MGAT4C: variants seen among roughly 807,000 people sequenced by gnomAD.
The protein encoded by MGAT4C is alpha-1,3-mannosyl-glycoprotein 4-beta-N-acetylglucosaminyltransferase C.
In MGAT4C, 19 loss-of-function variants were observed where a neutral mutation model predicts 40.1. The observed-to-expected ratio is 0.47, with a 90% CI of 0.33 to 0.70. The LOEUF (loss-of-function observed/expected upper bound fraction) is 0.70, where lower values mean the gene tolerates loss of function less well. Among genes scored for constraint, MGAT4C ranks in the 30% least tolerant of loss-of-function variants. The probability of loss-of-function intolerance (pLI) is 0.02; values close to 1 mark genes in which losing one functional copy is unlikely to be tolerated. For synonymous variants in MGAT4C, 181 were observed against 187.1 expected (o/e 0.97, Z 0.27); for missense variants, 491 against 563.2 (o/e 0.87, Z 1.30).
intron 4 of MGAT4C, among the ~76,000 whole-genome samples, chr12:86,331,426 C>T (rs2136173436): frequency 6.6e-6 from 1 of 152,216 alleles, no homozygotes; most frequent in South Asian, 2.1e-4. Flanking sequence ...TGACTTGAGG[C>T]ATTTTTCCCT....
intron 2 of MGAT4C, among the ~76,000 whole-genome samples, chr12:86,577,464 T>C (rs756216052): frequency 2.6e-5 from 4 of 151,882 alleles, no homozygotes; most frequent in Non-Finnish European, 4.4e-5. Flanking sequence ...GCTTTTATTA[T>C]GTTAAGGTAC....
At chr12:86,189,739 A>G (rs879494689) in intron 1 of MGAT4C, among the ~76,000 whole-genome samples, 1 of 152,072 alleles carries the variant, frequency 6.6e-6, no homozygotes, top group Non-Finnish European at 1.5e-5. Context: ...AAAGCAAAAC[A>G]AAAACTAAAA....
At chr12:86,639,241 G>C (rs897770281) in intron 2 of MGAT4C, among the ~76,000 whole-genome samples, 1 of 151,660 alleles carries the variant, frequency 6.6e-6, no homozygotes, top group African/African-American at 2.4e-5. Context: ...TCAAAACAAA[G>C]TAGACTTATT....
At chr12:86,646,078 G>C (rs1042833787) in intron 2 of MGAT4C, among the ~76,000 whole-genome samples, 5 of 151,780 alleles carry the variant, frequency 3.3e-5, no homozygotes. Flanking sequence ...ATTGAGTGCA[G>C]CATATTTCTA....
chr12:86,314,022 T>A (rs1029548587), intron 4 of MGAT4C, among the ~76,000 whole-genome samples: 2 of 152,232 alleles, frequency 1.3e-5, no homozygotes, highest in Admixed American at 1.3e-4. Context: ...CTAATTTACA[T>A]TTGTGCTGTT....
intron 1 of MGAT4C, among the ~76,000 whole-genome samples, chr12:86,152,937 GCTTTAA>G (rs1438112950): frequency 6.6e-6 from 1 of 151,870 alleles, no homozygotes; most frequent in Non-Finnish European, 1.5e-5. Flanking sequence ...GTCTATCTGT[GCTTTAA>G]TAATGCTTCC....
chr12:86,820,362 A>G (rs1952684293), intron 1 of MGAT4C, among the ~76,000 whole-genome samples: 1 of 150,820 alleles, frequency 6.6e-6, no homozygotes, highest in African/African-American at 2.4e-5. Context: ...CTTCATTTCT[A>G]CACAAATAAC....
chr12:86,595,740 T>A (rs746647090), intron 2 of MGAT4C, among the ~76,000 whole-genome samples: 1 of 152,174 alleles, frequency 6.6e-6, no homozygotes, highest in African/African-American at 2.4e-5. Flanking sequence ...TTTGATCAAA[T>A]TTTTTGAGCC....
intron 2 of MGAT4C, among the ~76,000 whole-genome samples, chr12:86,687,823 G>C (rs1318159115): frequency 1.3e-5 from 2 of 152,166 alleles, no homozygotes; most frequent in Non-Finnish European, 2.9e-5. Flanking sequence ...ATTTGGGGTG[G>C]AGTGTTCTGT....
intron 1 of MGAT4C, among the ~76,000 whole-genome samples, chr12:86,735,907 T>C (rs538797044): frequency 1.3e-5 from 2 of 152,006 alleles, no homozygotes; most frequent in South Asian, 2.1e-4. Context: ...ATGATAACCT[T>C]TCTTCTGCAT....
intron 1 of MGAT4C, among the ~76,000 whole-genome samples, chr12:86,827,457 A>T (rs1281518392): frequency 6.6e-6 from 1 of 151,510 alleles, no homozygotes; most frequent in African/African-American, 2.4e-5. Flanking sequence ...GATATTGAAC[A>T]ATAACTACCA....
At chr12:86,159,677 C>A (rs118187793) in intron 1 of MGAT4C, among the ~76,000 whole-genome samples, 1 of 152,048 alleles carries the variant, frequency 6.6e-6, no homozygotes, top group East Asian at 1.9e-4. Flanking sequence ...TTATGGTTAG[C>A]AGGTTCTTTA....
rs1472152411 is a variant in MGAT4C, at chr12:85,965,500, G to GGCAGGAGAATGGCGTGACC, written c.*13770_*13788dup. 1 of 151,090 alleles carries GGCAGGAGAATGGCGTGACC rather than the reference G, an allele frequency of 6.6e-6. No individual in the cohort carries two copies. The allele number at this position is 151,090 out of a possible 1,614,324, so 9.4% of individuals were successfully genotyped here. ...TACTCCCAGCTACTCGGGAGGCTGAGGCAGGAGAATGGCGTGACCCCAGGA... is the reference window on the plus strand; with the variant it reads ...TACTCCCAGCTACTCGGGAGGCTGAGGCAGGAGAATGGCGTGACCGCAGGAGAATGGCGTGACCCCAGGA... On this transcript the variant is annotated 3_prime_UTR_variant, in exon 5 of 5. Coordinates refer to ENST00000611864, the MANE Select transcript of MGAT4C (RefSeq NM_001351288.2).
chr12:86,155,153 G>A (rs1267633452), intron 1 of MGAT4C, among the ~76,000 whole-genome samples: 2 of 152,170 alleles, frequency 1.3e-5, no homozygotes, highest in Admixed American at 6.5e-5. Flanking sequence ...AGAGCTAGGA[G>A]AATTTAGAAA....
chr12:86,417,773 A>G (rs1956745722), intron 3 of MGAT4C, among the ~76,000 whole-genome samples: 1 of 152,106 alleles, frequency 6.6e-6, no homozygotes, highest in Non-Finnish European at 1.5e-5. Context: ...TTTTAATAAG[A>G]ATATTAATGG....
intron 1 of MGAT4C, among the ~76,000 whole-genome samples, chr12:86,131,372 G>A (rs1423744299): frequency 2.0e-5 from 3 of 151,900 alleles, no homozygotes; most frequent in Non-Finnish European, 2.9e-5. Flanking sequence ...CATAGGGTGA[G>A]TTTTCTATTG....
chr12:86,395,073 AT>A (rs1956234719), intron 3 of MGAT4C, among the ~76,000 whole-genome samples: 1 of 150,288 alleles, frequency 6.7e-6, no homozygotes, highest in African/African-American at 2.5e-5. Flanking sequence ...CATAAAAAAA[AT>A]GGTCTTGAAT....
intron 1 of MGAT4C, among the ~76,000 whole-genome samples, chr12:86,794,506 A>T (rs1458841761): frequency 6.6e-6 from 1 of 151,886 alleles, no homozygotes; most frequent in East Asian, 1.9e-4. Flanking sequence ...TTTAGCATTT[A>T]GTTAATATCT....
At chr12:86,682,621 G>C (rs1469285162) in intron 2 of MGAT4C, among the ~76,000 whole-genome samples, 3 of 152,036 alleles carry the variant, frequency 2.0e-5, no homozygotes, top group Non-Finnish European at 2.9e-5. Flanking sequence ...GGGAAAAAAA[G>C]TTTCTTGTCA....
Sources: gnomAD v4.1 joint callset for allele counts (sites outside exome capture counted in the v4.1 genomes callset) on GRCh38, gnomAD v4.1.1 for gene constraint, MANE v1.5 for transcripts, NCBI Gene and HGNC (gene_info 2026-07-23, HGNC 2026-07-21) for gene names.